Variants in REV3L observed in about 807,000 individuals in gnomAD.
The protein encoded by REV3L is REV3 like, DNA directed polymerase zeta catalytic subunit, also known as DNA polymerase zeta catalytic subunit.
Under a neutral mutation model 299.4 loss-of-function variants are expected in REV3L, and 69 were observed. That is an observed-to-expected ratio of 0.23 (90% confidence interval 0.19 to 0.28). The LOEUF is 0.28. REV3L is among the 10% of genes least tolerant of loss of function. The pLI is 1.00. For synonymous variants in REV3L, 1,238 were observed against 1,271.4 expected, an observed-to-expected ratio of 0.97 and a Z score of 0.56; for missense variants, 3,128 against 3,693.8, an observed-to-expected ratio of 0.85 and a Z score of 3.97.
chr6:111,313,161 TCAAA>T (rs1363842614), intron 28 of REV3L, 187 bp downstream of exon 28: 13 of 464,452 alleles, frequency 2.8e-5, no homozygotes, highest in Non-Finnish European at 4.3e-5. Context: ...AGACCCTGTC[TCAAA>T]CAAACAAAAA....
chr6:111,422,680 G>GTA (rs774474693), intron 1 of REV3L, among the ~76,000 whole-genome samples: 1,009 of 11,208 alleles, frequency 0.09, 184 homozygotes, highest in African/African-American at 0.11. Flanking sequence ...ATATATATAC[G>GTA]TATATATATA....
intron 4 of REV3L, among the ~76,000 whole-genome samples, chr6:111,397,670 T>C (rs1282849972): frequency 6.6e-6 from 1 of 152,076 alleles, no homozygotes; most frequent in Non-Finnish European, 1.5e-5. Flanking sequence ...CAGTGTCTTG[T>C]TCTGTCACCA....
intron 16 of REV3L, chr6:111,361,431 C>CAAAAAAAAAAAAAAAAAAAAAAAAAAA (rs1251828373): frequency 9.3e-6 from 1 of 106,980 alleles, no homozygotes; most frequent in Non-Finnish European, 2.0e-5. Context: ...AAAAAAAAAA[C>CAAAAAAAAAAAAAAAAAAAAAAAAAAA]AAAAAAAAAA....
Position 111,374,213 on chromosome 6 carries a change from T to G in REV3L, c.4142A>C (p.Lys1381Thr). The change falls in exon 13 of 32, where the codon AAG (lysine) becomes ACG (threonine). Residue 1381 changes from lysine (K) to threonine (T), a missense_variant. Physicochemically the swap from Lys to Thr is moderately conservative, Grantham distance 78. This residue lies in a region of REV3L where 2,409 missense variants were observed against 2,611.8 expected (regional missense o/e 0.92). Transcript: ENST00000368802. ...TATATTATTTGCATTATCTTCTATC[T>G]TTGAGGACATACCAGAAGATATCTG... is the stretch of plus-strand genomic sequence containing the variant. ...NTQISSGMSS[K>T]IEDNANNIQR... The G allele has an allele frequency of 6.2e-7, 1 of 1,613,928 alleles. No individual in the cohort carries two copies. Among genetic ancestry groups the G allele is most frequent in the Non-Finnish European group, 8.5e-7 (1 of 1,179,836 alleles).
chr6:111,353,798 A>G (rs761969300), intron 18 of REV3L: 3 of 152,110 alleles, frequency 2.0e-5, no homozygotes, highest in Non-Finnish European at 4.4e-5. Flanking sequence ...TAACACCCAA[A>G]CCCTTAACCA....
chr6:111,396,154 G>T (rs1045354831), intron 4 of REV3L, among the ~76,000 whole-genome samples: 1 of 151,924 alleles, frequency 6.6e-6, no homozygotes, highest in Non-Finnish European at 1.5e-5. Flanking sequence ...AGTCTCCCAA[G>T]TAGGTGGGAC....
intron 9 of REV3L, among the ~76,000 whole-genome samples, chr6:111,385,750 A>G (rs1014139198): frequency 1.5e-4 from 23 of 152,150 alleles, no homozygotes; most frequent in African/African-American, 5.3e-4. Flanking sequence ...TCTAGAAAAT[A>G]TGAAGAACTC....
At chr6:111,428,125 ATAAC>A (rs908606689) in intron 1 of REV3L, among the ~76,000 whole-genome samples, 1 of 152,190 alleles carries the variant, frequency 6.6e-6, no homozygotes, top group Admixed American at 6.5e-5. Flanking sequence ...ACTAGAATAA[ATAAC>A]TAATCCTTGA....
chr6:111,436,574 A>C (rs967646620), intron 1 of REV3L, among the ~76,000 whole-genome samples: 2 of 152,138 alleles, frequency 1.3e-5, no homozygotes, highest in Non-Finnish European at 2.9e-5. Flanking sequence ...GTGGGAGCTA[A>C]AAAAGTGGAT....
chr6:111,337,638 C>A (rs1223850852), intron 21 of REV3L, among the ~76,000 whole-genome samples: 1 of 152,068 alleles, frequency 6.6e-6, no homozygotes, highest in Non-Finnish European at 1.5e-5. Flanking sequence ...TGATAAAGTG[C>A]TTGTTTCCTT....
chr6:111,313,883 G>A (rs17511434), intron 27 of REV3L, among the ~76,000 whole-genome samples: 3,582 of 152,222 alleles, frequency 0.024, 58 homozygotes, highest in Admixed American at 0.063. Context: ...GCAGCCCCAT[G>A]TCTGCCTACT....
At chr6:111,427,779 A>G (rs1786361102) in intron 1 of REV3L, among the ~76,000 whole-genome samples, 1 of 152,168 alleles carries the variant, frequency 6.6e-6, no homozygotes, top group African/African-American at 2.4e-5. Flanking sequence ...GAGCAGTGGA[A>G]ATACCTAAGG....
rs1479539939 is a variant in REV3L at position 111,375,720 on chromosome 6, T to C, written c.2635A>G (p.Lys879Glu). 1 of 1,613,848 alleles carries C rather than the reference T, an allele frequency of 6.2e-7. No homozygotes were observed. The highest frequency in any genetic ancestry group is 2.2e-5 in the East Asian group (1 of 44,872). ...KDNALASDLT[K>E]TTRGAFENKT... ...TTTTCAAAAGCTCCACGAGTGGTTT[T>C]AGTTAAATCACTAGCCAATGCATTA... is the stretch of plus-strand genomic sequence containing the variant. The change falls in exon 13 of 32, where the codon AAA becomes GAA. Residue 879 changes from lysine to glutamate, a missense_variant. Coordinates refer to ENST00000368802, the MANE Select transcript of REV3L (RefSeq NM_001372078.1).
intron 4 of REV3L, among the ~76,000 whole-genome samples, chr6:111,395,673 C>T (rs1782419415): frequency 1.3e-5 from 2 of 151,950 alleles, no homozygotes; most frequent in Admixed American, 1.3e-4. Flanking sequence ...TCCTTTTTCC[C>T]AATTTGGTGT....
chr6:111,436,478 G>A (rs574496253), intron 1 of REV3L, among the ~76,000 whole-genome samples: 24 of 152,136 alleles, frequency 1.6e-4, no homozygotes, highest in Admixed American at 4.6e-4. Flanking sequence ...GTCATTTGCA[G>A]CAACGTAAGT....
At chr6:111,436,840 T>C (rs1278066333) in intron 1 of REV3L, among the ~76,000 whole-genome samples, 1 of 152,236 alleles carries the variant, frequency 6.6e-6, no homozygotes, top group Non-Finnish European at 1.5e-5. Flanking sequence ...CCAATTACAC[T>C]GATTTGATCT....
At chr6:111,413,019 T>C (rs1448650373) in intron 2 of REV3L, among the ~76,000 whole-genome samples, 1 of 152,170 alleles carries the variant, frequency 6.6e-6, no homozygotes, top group Non-Finnish European at 1.5e-5. Flanking sequence ...TCCCTCTTAC[T>C]CTTCACCCTT....
intron 1 of REV3L, among the ~76,000 whole-genome samples, chr6:111,422,619 T>TAC (rs1785579171): frequency 3.5e-5 from 1 of 28,952 alleles, no homozygotes; most frequent in Admixed American, 3.7e-4. Flanking sequence ...TATACACATA[T>TAC]ATATATATAT....
chr6:111,301,723 A>C (rs909710475), intron 31 of REV3L, among the ~76,000 whole-genome samples: 3 of 152,242 alleles, frequency 2.0e-5, no homozygotes, highest in Non-Finnish European at 2.9e-5. Flanking sequence ...GGAAAATAAT[A>C]AATCATAAGG....
Sources: gnomAD v4.1 joint callset for allele counts (sites outside exome capture counted in the v4.1 genomes callset) on GRCh38, gnomAD v4.1.1 for gene constraint, gnomAD v4.1.1 regional missense constraint, MANE v1.5 for transcripts, NCBI Gene and HGNC (gene_info 2026-07-23, HGNC 2026-07-21) for gene names.